Variants in PCDHA7 observed in about 807,000 individuals in gnomAD.
PCDHA7 encodes protocadherin alpha-7.
In PCDHA7, 37 loss-of-function variants were observed where a neutral mutation model predicts 57.2. The ratio of observed to expected loss-of-function variants is 0.65; its 90% CI spans 0.50 to 0.85. The LOEUF (loss-of-function observed/expected upper bound fraction) is 0.85, where lower values mean the gene tolerates loss of function less well. Ranked by LOEUF, PCDHA7 falls within the 40% of genes least tolerant of loss-of-function variation. PCDHA7 has a pLI of 0.00. For missense variants in PCDHA7, 1,188 were observed against 1,241.8 expected (o/e 0.96, Z 0.65); for synonymous variants, 553 against 558.8 (o/e 0.99, Z 0.15).
chr5:140,930,824 T>C (rs545304113), intron 1 of PCDHA7, among the ~76,000 whole-genome samples: 16 of 152,342 alleles, frequency 1.1e-4, no homozygotes, highest in African/African-American at 3.8e-4. Context: ...TAGTAAATGC[T>C]GACTGAATGA....
intron 1 of PCDHA7, chr5:140,863,201 C>A: frequency 1.1e-6 from 1 of 925,678 alleles, no homozygotes; most frequent in Admixed American, 1.8e-5. Context: ...GCGTCGCTGG[C>A]GGAGAGCAGC....
chr5:140,920,728 C>T (rs781955762), intron 1 of PCDHA7, among the ~76,000 whole-genome samples: 8 of 151,974 alleles, frequency 5.3e-5, no homozygotes, highest in Non-Finnish European at 1.0e-4. Context: ...CCTGCAGTCC[C>T]AGCTACTCAG....
chr5:140,862,813 T>C lies in PCDHA7; in HGVS notation c.2355+26075T>C. 2 of 571,594 alleles carry C rather than the reference T, an allele frequency of 3.5e-6. 1 individual carries two copies. Among genetic ancestry groups the C allele is most frequent in the Non-Finnish European group, 6.7e-6 (2 of 297,160 alleles). The allele number at this position is 571,594 out of a possible 1,614,324, so 35.4% of individuals were successfully genotyped here. On this transcript the variant is annotated intron_variant, in intron 1 of 3. Coordinates refer to ENST00000525929, the MANE Select transcript of PCDHA7 (RefSeq NM_018910.3). ...CGAGGAGCTGGAGCTGCTGCAGTTC[T>C]AGGTGAGAGCGCGCGACGCGGGCAT... is the stretch of plus-strand genomic sequence containing the variant.
At chr5:140,877,260 G>C (rs1329010026) in intron 1 of PCDHA7, 3 of 1,613,652 alleles carry the variant, frequency 1.9e-6, no homozygotes, top group Non-Finnish European at 2.5e-6. Flanking sequence ...AAGTGCGCGC[G>C]GTGGACGCTG....
chr5:140,920,060 G>T (rs565038135), intron 1 of PCDHA7, among the ~76,000 whole-genome samples: 1 of 152,264 alleles, frequency 6.6e-6, no homozygotes, highest in African/African-American at 2.4e-5. Context: ...CCAACACCTG[G>T]AAAAGGCAGA....
At chr5:140,895,038 C>G (rs1554186328) in intron 1 of PCDHA7, among the ~76,000 whole-genome samples, 1 of 152,104 alleles carries the variant, frequency 6.6e-6, no homozygotes, top group African/African-American at 2.4e-5. Context: ...TGTCCCCCAC[C>G]CACACCATTC....
At chr5:140,859,880 T>C (rs922706728) in intron 1 of PCDHA7, 1 of 152,036 alleles carries the variant, frequency 6.6e-6, no homozygotes, top group Non-Finnish European at 1.5e-5. Context: ...CCCTCTGATA[T>C]TTTGAAAAAA....
At chr5:140,850,274 G>A in intron 1 of PCDHA7, 1 of 1,595,442 alleles carries the variant, frequency 6.3e-7, no homozygotes, top group Non-Finnish European at 8.6e-7. Context: ...TGGTGGGGAA[G>A]GTGCGCGCAG....
chr5:140,945,322 T>C (rs1311724084), intron 1 of PCDHA7, among the ~76,000 whole-genome samples: 9 of 152,096 alleles, frequency 5.9e-5, no homozygotes, highest in Admixed American at 5.2e-4. Context: ...AATGGAAATA[T>C]ATTTTATGTT....
chr5:140,971,192 A>G (rs1450514781), intron 1 of PCDHA7, among the ~76,000 whole-genome samples: 3 of 152,178 alleles, frequency 2.0e-5, no homozygotes, highest in Non-Finnish European at 4.4e-5. Context: ...GGAAGCTCAG[A>G]GGAAAGACAC....
intron 1 of PCDHA7, among the ~76,000 whole-genome samples, chr5:140,948,862 C>T (rs1419321480): frequency 6.6e-6 from 1 of 151,398 alleles, no homozygotes; most frequent in Admixed American, 6.6e-5. Context: ...TCTTATATTA[C>T]TTCGGGTTTA....
At chr5:140,941,603 T>C (rs116946105) in intron 1 of PCDHA7, among the ~76,000 whole-genome samples, 1 of 152,024 alleles carries the variant, frequency 6.6e-6, no homozygotes, top group East Asian at 1.9e-4. Flanking sequence ...CCATGAGCCA[T>C]GGTGCCCAGC....
chr5:140,968,492 G>A (rs2096250539), intron 1 of PCDHA7: 2 of 1,614,074 alleles, frequency 1.2e-6, no homozygotes, highest in African/African-American at 1.3e-5. Flanking sequence ...GAATGACCAT[G>A]CCCCTCACAT....
At chr5:140,938,214 G>C (rs2091981626) in intron 1 of PCDHA7, among the ~76,000 whole-genome samples, 1 of 152,148 alleles carries the variant, frequency 6.6e-6, no homozygotes, top group Non-Finnish European at 1.5e-5. Context: ...CCAAAGTGCT[G>C]GGATTACAGG....
chr5:140,842,962 C>T lies in PCDHA7; in HGVS notation c.2355+6224C>T, dbSNP rs1554139576. 1.9e-6 allele frequency: 3 copies of T among 1,594,834 alleles called. 1 individual carries two copies. The African/African-American group carries it at 4.0e-5, about 21-fold the overall frequency. On this transcript the variant is annotated intron_variant, in intron 1 of 3. Transcript: ENST00000525929. ...ACGCGGGCGTGCCGCCTCTGGGCAG[C>T]AACGTGACGCTGCAGGTGTTCGTGC...
intron 3 of PCDHA7, among the ~76,000 whole-genome samples, chr5:141,006,105 G>GTT (rs79904017): frequency 1.9e-4 from 27 of 143,364 alleles, no homozygotes; most frequent in Middle Eastern, 3.8e-3. Flanking sequence ...ATGGTAAGGA[G>GTT]TTTTTTTTTT....
intron 1 of PCDHA7, chr5:140,865,859 A>T (rs1328083716): frequency 1.3e-5 from 2 of 152,318 alleles, no homozygotes; most frequent in East Asian, 3.9e-4. Context: ...CTGCTCAAAC[A>T]TGGTCTCGGC....
chr5:140,997,188 G>T (rs948891203), intron 3 of PCDHA7, among the ~76,000 whole-genome samples: 1 of 151,976 alleles, frequency 6.6e-6, no homozygotes, highest in African/African-American at 2.4e-5. Context: ...GACAATTGAT[G>T]AAACTATATT....
rs57893927 is a variant in PCDHA7, at chr5:140,946,631, T to TATATATATATATATATATATATAC, written c.2356-32317_2356-32316insTATATATATATATATATATATACA. Among the ~76,000 whole-genome samples the TATATATATATATATATATATATAC allele has an allele frequency of 2.6e-3, 340 of 131,752 alleles. 23 individuals carry two copies. The highest frequency in any genetic ancestry group is 0.011 in the African/African-American group (303 of 28,632). The allele number at this position is 131,752 out of a possible 152,430, so 86.4% of individuals were successfully genotyped here. On this transcript the variant is annotated intron_variant, in intron 1 of 3. Transcript: ENST00000525929. ...TGTGAAATATATATATATATATATA[T>TATATATATATATATATATATATAC]ACAATGGAATACTCATCAGCCATTA...
Sources: allele counts gnomAD v4.1 joint callset (sites outside exome capture counted in the v4.1 genomes callset), GRCh38; gene constraint gnomAD v4.1.1; transcripts MANE v1.5; gene names NCBI Gene and HGNC (gene_info 2026-07-23, HGNC 2026-07-21).